The following RCAN2 variants were observed in gnomAD, a reference collection of about 807,000 sequenced individuals.
RCAN2 encodes the protein regulator of calcineurin 2, also known as calcipressin-2.
A neutral mutation model predicts 23.6 loss-of-function variants in RCAN2; 9 were observed. The ratio of observed to expected loss-of-function variants is 0.38; its 90% CI spans 0.23 to 0.67. The LOEUF (loss-of-function observed/expected upper bound fraction) is 0.67, where lower values mean the gene tolerates loss of function less well. Among genes scored for constraint, RCAN2 ranks in the 30% least tolerant of loss-of-function variants. The pLI is 0.51. For missense variants in RCAN2, 273 were observed against 302.3 expected, an observed-to-expected ratio of 0.90 and a Z score of 0.72; for synonymous variants, 109 against 115.7, an observed-to-expected ratio of 0.94 and a Z score of 0.37.
At chr6:46,298,008 A>T (rs1476248557) in intron 2 of RCAN2, among the ~76,000 whole-genome samples, 1 of 152,116 alleles carries the variant, frequency 6.6e-6, no homozygotes, top group Non-Finnish European at 1.5e-5. Flanking sequence ...ACCAAATATC[A>T]AACTAGTTTG....
chr6:46,482,264 T>C (rs1561923286), intron 1 of RCAN2, among the ~76,000 whole-genome samples: 2 of 152,152 alleles, frequency 1.3e-5, no homozygotes, highest in Admixed American at 6.5e-5. Flanking sequence ...TTAAATTTAA[T>C]ATGCTTTAGC....
intron 4 of RCAN2, among the ~76,000 whole-genome samples, chr6:46,233,600 T>C (rs1268130000): frequency 2.0e-5 from 3 of 152,186 alleles, no homozygotes; most frequent in African/African-American, 7.2e-5. Flanking sequence ...TCAGACACCC[T>C]TCCCCTTTTT....
chr6:46,465,684 T>C (rs1182020898), intron 1 of RCAN2, among the ~76,000 whole-genome samples: 1 of 152,208 alleles, frequency 6.6e-6, no homozygotes, highest in Non-Finnish European at 1.5e-5. Context: ...CTCCTGCTGG[T>C]ACCTCCCATT....
intron 2 of RCAN2, among the ~76,000 whole-genome samples, chr6:46,335,113 A>T (rs1764099558): frequency 6.6e-6 from 1 of 152,248 alleles, no homozygotes; most frequent in African/African-American, 2.4e-5. Context: ...TCTCATGAGG[A>T]TTTTCCAAAC....
chr6:46,383,207 G>GTGTGTGTGTGTT (rs1460800246), intron 2 of RCAN2, among the ~76,000 whole-genome samples: 2 of 149,152 alleles, frequency 1.3e-5, no homozygotes, highest in Non-Finnish European at 3.0e-5. Flanking sequence ...GTGTGTGTGT[G>GTGTGTGTGTGTT]TACGTGTGTA....
At chr6:46,243,646 T>TA (rs1314841999) in intron 4 of RCAN2, among the ~76,000 whole-genome samples, 1 of 151,422 alleles carries the variant, frequency 6.6e-6, no homozygotes, top group East Asian at 1.9e-4. Context: ...CCGTCTGTAC[T>TA]AAAAAATATA....
chr6:46,391,738 T>C (rs1010468664), intron 2 of RCAN2, among the ~76,000 whole-genome samples: 5 of 152,114 alleles, frequency 3.3e-5, no homozygotes, highest in African/African-American at 1.2e-4. Context: ...AAAAGTACCA[T>C]TCTCTACTAT....
intron 2 of RCAN2, among the ~76,000 whole-genome samples, chr6:46,288,763 GTA>G (rs1257518311): frequency 1.3e-5 from 2 of 152,204 alleles, no homozygotes; most frequent in African/African-American, 4.8e-5. Flanking sequence ...GTCTCTTTCT[GTA>G]TCCCAGTTCT....
At chr6:46,267,271 G>A (rs1345259374) in intron 2 of RCAN2, among the ~76,000 whole-genome samples, 1 of 151,998 alleles carries the variant, frequency 6.6e-6, no homozygotes, top group Non-Finnish European at 1.5e-5. Flanking sequence ...AGACCACTTG[G>A]AAAAATATAC....
chr6:46,465,773 G>T (rs558491494), intron 1 of RCAN2, among the ~76,000 whole-genome samples: 1 of 152,238 alleles, frequency 6.6e-6, no homozygotes, highest in African/African-American at 2.4e-5. Flanking sequence ...GGCACAGGGC[G>T]CAGTGCAGAG....
chr6:46,419,268 T>C (rs1214293718), intron 2 of RCAN2, among the ~76,000 whole-genome samples: 2 of 152,206 alleles, frequency 1.3e-5, no homozygotes, highest in African/African-American at 4.8e-5. Flanking sequence ...TTGTAAAGCA[T>C]TTAATAGTAT....
intron 2 of RCAN2, among the ~76,000 whole-genome samples, chr6:46,317,922 G>C (rs1453298384): frequency 1.3e-5 from 2 of 152,190 alleles, no homozygotes; most frequent in Non-Finnish European, 2.9e-5. Context: ...TTATAATGGG[G>C]CAACTACATA....
At chr6:46,336,259 T>C (rs981697797) in intron 2 of RCAN2, among the ~76,000 whole-genome samples, 11 of 152,212 alleles carry the variant, frequency 7.2e-5, no homozygotes, top group Non-Finnish European at 1.6e-4. Flanking sequence ...CAATGAGCAC[T>C]GCTGGTGACA....
At chr6:46,308,155 A>G (rs1763127812) in intron 2 of RCAN2, among the ~76,000 whole-genome samples, 1 of 152,128 alleles carries the variant, frequency 6.6e-6, no homozygotes. Flanking sequence ...GAGCTCCTTC[A>G]TGTCACAAAG....
intron 4 of RCAN2, among the ~76,000 whole-genome samples, chr6:46,242,829 A>C (rs1766353942): frequency 6.6e-6 from 1 of 152,228 alleles, no homozygotes; most frequent in South Asian, 2.1e-4. Flanking sequence ...TTGTCAGTAA[A>C]GAAACTATCT....
chr6:46,270,695 G>C (rs1324240832), intron 2 of RCAN2, among the ~76,000 whole-genome samples: 1 of 152,160 alleles, frequency 6.6e-6, no homozygotes, highest in Admixed American at 6.5e-5. Flanking sequence ...AAAAAACTGT[G>C]ACTCCTCGTT....
At chr6:46,326,032 G>T in intron 2 of RCAN2, 1 of 252,866 alleles carries the variant, frequency 4.0e-6, no homozygotes, top group Non-Finnish European at 6.2e-6. Flanking sequence ...TTTGCAAATT[G>T]CTTGGCTTCT....
At chr6:46,435,138 C>A (rs1444610810) in intron 2 of RCAN2, among the ~76,000 whole-genome samples, 1 of 152,132 alleles carries the variant, frequency 6.6e-6, no homozygotes, top group African/African-American at 2.4e-5. Flanking sequence ...ACAACCTGTG[C>A]CAAAAGAGAT....
intron 2 of RCAN2, among the ~76,000 whole-genome samples, chr6:46,388,937 C>T (rs770572349): frequency 5.3e-5 from 8 of 151,976 alleles, no homozygotes; most frequent in African/African-American, 1.7e-4. Context: ...ACGTACTGCA[C>T]GTGTATCCCA....
Sources: gnomAD v4.1 joint callset for allele counts (sites outside exome capture counted in the v4.1 genomes callset) on GRCh38, gnomAD v4.1.1 for gene constraint, MANE v1.5 for transcripts, NCBI Gene and HGNC (gene_info 2026-07-23, HGNC 2026-07-21) for gene names.